The following DNMBP variants were observed in gnomAD, a reference collection of about 807,000 sequenced individuals.
The protein encoded by DNMBP is dynamin binding protein.
DNMBP carries 87 observed loss-of-function variants against 150.0 expected under a neutral mutation model. The ratio of observed to expected loss-of-function variants is 0.58; its 90% CI spans 0.49 to 0.69. The LOEUF is 0.69. DNMBP is among the 30% of genes least tolerant of loss of function. DNMBP has a pLI of 0.00. For missense variants in DNMBP, 1,774 were observed against 1,949.0 expected, an observed-to-expected ratio of 0.91 and a Z score of 1.69; for synonymous variants, 711 against 750.4, an observed-to-expected ratio of 0.95 and a Z score of 0.86.
chr10:99,915,108 A>AAAATATAT lies in DNMBP; in HGVS notation c.2261-5963_2261-5962insATATATTT, dbSNP rs10654940. Among the ~76,000 whole-genome samples, 116 of 99,776 alleles carry AAAATATAT rather than the reference A, an allele frequency of 1.2e-3. 1 individual carries two copies. Among genetic ancestry groups the AAAATATAT allele is most frequent in the South Asian group, 6.3e-3 (19 of 3,000 alleles). 65.5% of individuals were successfully genotyped at this position (99,776 alleles called of 152,430 possible). ...AAACTCTGTCTCAAAAAAAAAAAAAAATATATATATATATATATATACACA... is the reference window on the plus strand; with the variant it reads ...AAACTCTGTCTCAAAAAAAAAAAAAAAAATATATATATATATATATATATATATACACA... On this transcript the variant is annotated intron_variant, in intron 4 of 16. Coordinates refer to ENST00000324109, the MANE Select transcript of DNMBP (RefSeq NM_015221.4).
rs1331842215 is a variant in DNMBP at position 99,909,155 on chromosome 10, GAA to G, written c.2261-11_2261-10del. 5.0e-6 allele frequency: 8 copies of G among 1,610,628 alleles called. No homozygotes were observed. The highest frequency in any genetic ancestry group is 5.9e-6 in the Non-Finnish European group (7 of 1,178,760). On this transcript the variant is annotated splice_polypyrimidine_tract_variant and intron_variant, in intron 4 of 16. Coordinates refer to ENST00000324109, the MANE Select transcript of DNMBP (RefSeq NM_015221.4). ...GGAGAGGAGCGTCATTTCTAGAAGG[GAA>G]AAGAGAACTGGTTAGCAGCTCTGGG...
chr10:99,958,359 C>A lies in DNMBP; in HGVS notation c.269-1154G>T, dbSNP rs897166953. ...TCTGTGTGACAATATAGGAATTACA[C>A]ATAAAGCACTTTTACTGCTGAGGAG... is the stretch of plus-strand genomic sequence containing the variant. On this transcript the variant is annotated intron_variant, in intron 3 of 16. Coordinates refer to ENST00000324109, the MANE Select transcript of DNMBP (RefSeq NM_015221.4). 5.3e-5 allele frequency: 8 copies of A among 152,340 alleles called. No homozygotes were observed. In the South Asian group the frequency reaches 1.2e-3, roughly 24 times the overall value. 9.4% of individuals were successfully genotyped at this position (152,340 alleles called of 1,614,324 possible).
chr10:99,981,760 G>A (rs1416759804), intron 1 of DNMBP, among the ~76,000 whole-genome samples: 1 of 152,130 alleles, frequency 6.6e-6, no homozygotes, highest in African/African-American at 2.4e-5. Context: ...TTTCAGTTGG[G>A]TTCAGCCAAT....
At chr10:99,925,236 G>A (rs1003960474) in intron 4 of DNMBP, among the ~76,000 whole-genome samples, 1 of 151,966 alleles carries the variant, frequency 6.6e-6, no homozygotes, top group African/African-American at 2.4e-5. Flanking sequence ...TTCAAATGTG[G>A]TAATGCTGGA....
chr10:99,890,726 A>ATG, intron 11 of DNMBP, among the ~76,000 whole-genome samples: 2 of 152,198 alleles, frequency 1.3e-5, no homozygotes, highest in African/African-American at 4.8e-5. Context: ...AGCTCACTGC[A>ATG]ACCTCCACCT....
chr10:99,909,600 TAAAATAA>T (rs1367650496), intron 4 of DNMBP, among the ~76,000 whole-genome samples: 1 of 151,848 alleles, frequency 6.6e-6, no homozygotes, highest in Non-Finnish European at 1.5e-5. Flanking sequence ...CAACTAAGGG[TAAAATAA>T]AAAATAAGAA....
At chr10:99,897,674 C>T (rs1267441313) in intron 9 of DNMBP, among the ~76,000 whole-genome samples, 5 of 152,124 alleles carry the variant, frequency 3.3e-5, no homozygotes, top group African/African-American at 1.2e-4. Context: ...CAGTGGCTCA[C>T]GCCTATAATC....
chr10:100,002,887 T>G (rs1257166053), intron 1 of DNMBP, among the ~76,000 whole-genome samples: 1 of 152,144 alleles, frequency 6.6e-6, no homozygotes, highest in Non-Finnish European at 1.5e-5. Flanking sequence ...TTGATAAAGG[T>G]AACATACAAA....
At chr10:99,883,915 T>TG (rs2039409904) in intron 15 of DNMBP, 96 bp downstream of exon 15, 1 of 1,086,970 alleles carries the variant, frequency 9.2e-7, no homozygotes, top group African/African-American at 1.7e-5. Context: ...AAAGATACTT[T>TG]TTGCTTTTTT....
chr10:99,995,855 C>T (rs985248987), intron 1 of DNMBP, among the ~76,000 whole-genome samples: 1 of 152,254 alleles, frequency 6.6e-6, no homozygotes, highest in Non-Finnish European at 1.5e-5. Flanking sequence ...CAAGAAGGGA[C>T]AGTGGAGTCA....
chr10:99,903,094 C>T (rs942286341), intron 6 of DNMBP, among the ~76,000 whole-genome samples: 2 of 141,568 alleles, frequency 1.4e-5, no homozygotes, highest in African/African-American at 5.3e-5. Flanking sequence ...GCTACCACAC[C>T]TGGGCAATTT....
At chr10:99,973,663 C>T (rs2040700140) in intron 1 of DNMBP, among the ~76,000 whole-genome samples, 1 of 152,186 alleles carries the variant, frequency 6.6e-6, no homozygotes, top group Admixed American at 6.5e-5. Flanking sequence ...AGCAGCAGAA[C>T]TATGCCTCAA....
chr10:99,936,515 CT>C (rs34804787), intron 4 of DNMBP, among the ~76,000 whole-genome samples: 45,292 of 134,030 alleles, frequency 0.34, 6,381 homozygotes, highest in African/African-American at 0.39. Flanking sequence ...TTTCTTTTTT[CT>C]TTTTTTTTTT....
chr10:99,951,711 C>T (rs12252869), intron 4 of DNMBP, among the ~76,000 whole-genome samples: 6,716 of 152,322 alleles, frequency 0.044, 164 homozygotes, highest in South Asian at 0.082. Context: ...GCTGTATTTA[C>T]CCAATGCCTG....
At chr10:99,968,340 T>A (rs2040641273) in intron 3 of DNMBP, among the ~76,000 whole-genome samples, 2 of 152,282 alleles carry the variant, frequency 1.3e-5, no homozygotes, top group East Asian at 3.9e-4. Flanking sequence ...AGTTATTTTT[T>A]TCTCCCTCCG....
intron 4 of DNMBP, among the ~76,000 whole-genome samples, 155 bp downstream of exon 4, chr10:99,955,059 G>A (rs77148701): frequency 5.4e-4 from 69 of 128,354 alleles, no homozygotes; most frequent in African/African-American, 6.1e-4. Flanking sequence ...TCAAAAAAAA[G>A]GAAAAAAAAA....
At position 99,916,632 on chromosome 10, in the gene DNMBP, A is replaced by G. The variant is rs560602317; in HGVS notation, c.2261-7486T>C. ...GCAAAGAGGGATAGGGGAGTAAATT[A>G]AAACTTTAATATTTTTTCTACTTAA... On this transcript the variant is annotated intron_variant, in intron 4 of 16. Coordinates refer to ENST00000324109, the MANE Select transcript of DNMBP (RefSeq NM_015221.4). Among the ~76,000 whole-genome samples, 3 of 147,484 alleles carry G rather than the reference A, an allele frequency of 2.0e-5. No individual in the cohort carries two copies. In the East Asian group the frequency reaches 5.9e-4, roughly 29 times the overall value.
intron 11 of DNMBP, among the ~76,000 whole-genome samples, chr10:99,892,628 C>T (rs913382869): frequency 3.4e-4 from 46 of 136,958 alleles, no homozygotes; most frequent in Middle Eastern, 3.5e-3. Flanking sequence ...TGCGGAAGGC[C>T]GCAGGGTCCT....
chr10:99,941,296 A>C (rs1362608017), intron 4 of DNMBP, among the ~76,000 whole-genome samples: 2 of 152,160 alleles, frequency 1.3e-5, no homozygotes, highest in African/African-American at 2.4e-5. Context: ...AAAGATTGGA[A>C]TGCCCCAGGG....
Sources: gnomAD v4.1 joint callset for allele counts (sites outside exome capture counted in the v4.1 genomes callset) on GRCh38, gnomAD v4.1.1 for gene constraint, MANE v1.5 for transcripts, NCBI Gene and HGNC (gene_info 2026-07-23, HGNC 2026-07-21) for gene names.